EIF3E: variants seen among roughly 807,000 people sequenced by gnomAD.
EIF3E encodes the protein eukaryotic translation initiation factor 3 subunit E, also known as eIF-3 p48.
EIF3E carries 25 observed loss-of-function variants against 59.3 expected under a neutral mutation model. The observed-to-expected ratio is 0.42, with a 90% CI of 0.31 to 0.59. The LOEUF is 0.59. Ranked by LOEUF, EIF3E falls within the 20% of genes least tolerant of loss-of-function variation. The probability of loss-of-function intolerance (pLI) is 0.15; values close to 1 mark genes in which losing one functional copy is unlikely to be tolerated. For synonymous variants in EIF3E, 176 were observed against 170.2 expected, an observed-to-expected ratio of 1.03 and a Z score of -0.26; for missense variants, 317 against 534.3, an observed-to-expected ratio of 0.59 and a Z score of 4.01.
intron 7 of EIF3E, among the ~76,000 whole-genome samples, chr8:108,225,368 T>C (rs957272713): frequency 1.3e-5 from 2 of 151,534 alleles, no homozygotes; most frequent in African/African-American, 4.9e-5. Flanking sequence ...TTCATGAATG[T>C]GGTTTTTCTG....
intron 7 of EIF3E, among the ~76,000 whole-genome samples, chr8:108,223,744 T>A (rs940706891): frequency 6.6e-6 from 1 of 151,770 alleles, no homozygotes; most frequent in South Asian, 2.1e-4. Context: ...TTATATATTA[T>A]GTTACATTTA....
chr8:108,221,453 T>C (rs922564524), intron 7 of EIF3E: 1 of 152,188 alleles, frequency 6.6e-6, no homozygotes, highest in Non-Finnish European at 1.5e-5. Flanking sequence ...TAAGTGATTA[T>C]AGTCCGGTAA....
At chr8:108,205,890 T>C (rs1252112256) in intron 10 of EIF3E, among the ~76,000 whole-genome samples, 1 of 152,222 alleles carries the variant, frequency 6.6e-6, no homozygotes, top group Non-Finnish European at 1.5e-5. Flanking sequence ...GCTCAACTTA[T>C]AAATTAAACT....
chr8:108,244,659 T>C (rs1396954824), intron 1 of EIF3E, among the ~76,000 whole-genome samples: 1 of 152,082 alleles, frequency 6.6e-6, no homozygotes, highest in Non-Finnish European at 1.5e-5. Context: ...CTTTCTAATT[T>C]TTGTAATACC....
chr8:108,226,544 T>C (rs975704089), intron 7 of EIF3E, among the ~76,000 whole-genome samples: 3 of 152,180 alleles, frequency 2.0e-5, no homozygotes, highest in African/African-American at 7.2e-5. Flanking sequence ...GACCAAAATG[T>C]TTAAGAAGCA....
chr8:108,210,470 T>TA (rs1191756465), intron 10 of EIF3E, among the ~76,000 whole-genome samples: 1 of 152,222 alleles, frequency 6.6e-6, no homozygotes, highest in African/African-American at 2.4e-5. Flanking sequence ...TTTTCCCGTG[T>TA]AATGTTTAAA....
At chr8:108,221,524 T>C (rs955382382) in intron 7 of EIF3E, 3 of 152,200 alleles carry the variant, frequency 2.0e-5, no homozygotes, top group Non-Finnish European at 2.9e-5. Context: ...TTGTAATTCC[T>C]ACAATAAAAA....
intron 4 of EIF3E, 55 bp from the exon 5 acceptor site, chr8:108,235,157 A>G: frequency 9.0e-7 from 1 of 1,112,888 alleles, no homozygotes; most frequent in South Asian, 1.9e-5. Context: ...TTAAAACCCC[A>G]TTGTAATTCA....
chr8:108,211,672 T>C (rs542098584), intron 10 of EIF3E, among the ~76,000 whole-genome samples: 2 of 152,336 alleles, frequency 1.3e-5, no homozygotes, highest in South Asian at 4.1e-4. Flanking sequence ...TTTCACTCCA[T>C]TACTTTAGCA....
rs1036969736 is a variant in EIF3E at position 108,224,147 on chromosome 8, G to A, written c.722+4120C>T. On this transcript the variant is annotated intron_variant, in intron 7 of 12. Coordinates refer to ENST00000220849, the MANE Select transcript of EIF3E (RefSeq NM_001568.3). ...TGAGGCAGGAGAATGGCGTGAACTCGGGAGGCAGAGCTTGAAGTGAGCCGA... is the reference window on the plus strand; with the variant it reads ...TGAGGCAGGAGAATGGCGTGAACTCAGGAGGCAGAGCTTGAAGTGAGCCGA... 2.0e-5 allele frequency among the ~76,000 whole-genome samples: 3 copies of A among 151,152 alleles called. 1 individual carries two copies. The highest frequency in any genetic ancestry group is 7.4e-5 in the African/African-American group (3 of 40,562).
At position 108,201,804 on chromosome 8, in the gene EIF3E, T is replaced by C. The variant is rs1357547666; in HGVS notation, c.*81A>G. On this transcript the variant is annotated 3_prime_UTR_variant, in exon 13 of 13. Coordinates refer to ENST00000220849, the MANE Select transcript of EIF3E (RefSeq NM_001568.3). Reference sequence around the variant, plus strand: ...TATACGTAATATGTTGTTTCCAAAATGTAAGTCACCCTTTATATAATAGTT... The same window carrying C: ...TATACGTAATATGTTGTTTCCAAAACGTAAGTCACCCTTTATATAATAGTT... 1 of 1,173,468 alleles carries C rather than the reference T, an allele frequency of 8.5e-7. No individual in the cohort carries two copies. Among genetic ancestry groups the C allele is most frequent in the Admixed American group, 3.6e-5 (1 of 27,648 alleles). 72.7% of individuals were successfully genotyped at this position (1,173,468 alleles called of 1,614,324 possible).
At chr8:108,227,589 A>T (rs1211115901) in intron 7 of EIF3E, 3 of 152,238 alleles carry the variant, frequency 2.0e-5, no homozygotes, top group Non-Finnish European at 4.4e-5. Context: ...AAAGGGTCTG[A>T]AAAACTGTGT....
chr8:108,210,220 T>C (rs1815181148), intron 10 of EIF3E, among the ~76,000 whole-genome samples: 1 of 152,164 alleles, frequency 6.6e-6, no homozygotes, highest in Non-Finnish European at 1.5e-5. Context: ...TAATGTGTTG[T>C]CAGTACTATA....
chr8:108,209,780 G>C (rs1006446001), intron 10 of EIF3E, among the ~76,000 whole-genome samples: 2 of 152,180 alleles, frequency 1.3e-5, no homozygotes, highest in African/African-American at 4.8e-5. Context: ...AAAAATATAG[G>C]AATGGAGAAC....
chr8:108,216,278 G>A (rs1418005491), intron 9 of EIF3E, 134 bp downstream of exon 9: 3 of 647,716 alleles, frequency 4.6e-6, no homozygotes, highest in Non-Finnish European at 7.7e-6. Flanking sequence ...GAGCCATTTA[G>A]GCCTTTTTAA....
At chr8:108,226,007 T>C (rs987031843) in intron 7 of EIF3E, among the ~76,000 whole-genome samples, 1 of 152,222 alleles carries the variant, frequency 6.6e-6, no homozygotes, top group African/African-American at 2.4e-5. Flanking sequence ...GGTACCTTCT[T>C]GGAAACTACG....
At chr8:108,212,445 T>A (rs370846754) in intron 10 of EIF3E, among the ~76,000 whole-genome samples, 1 of 152,346 alleles carries the variant, frequency 6.6e-6, no homozygotes, top group South Asian at 2.1e-4. Flanking sequence ...ACCTGAAAAG[T>A]AACTGTGTTG....
chr8:108,248,554 G>C (rs1003659491), intron 1 of EIF3E, 59 bp downstream of exon 1: 5 of 1,568,134 alleles, frequency 3.2e-6, no homozygotes, highest in Admixed American at 1.7e-5. Flanking sequence ...ACCACCTTTC[G>C]GCCTTGCTCA....
Position 108,240,425 on chromosome 8 carries a change from T to C in EIF3E, c.206-350A>G, listed in dbSNP as rs115773976. Among the ~76,000 whole-genome samples the C allele has an allele frequency of 4.1e-3, 623 of 152,324 alleles. 4 individuals are homozygous for C. The highest frequency in any genetic ancestry group is 0.014 in the African/African-American group (593 of 41,558). On this transcript the variant is annotated intron_variant, in intron 2 of 12. Transcript: ENST00000220849. Reference sequence around the variant, plus strand: ...TGCAGAAACTTCTTTCCAAGTGTTTTTATATTTGTTCTCATTTAATTTTCT... The same window carrying C: ...TGCAGAAACTTCTTTCCAAGTGTTTCTATATTTGTTCTCATTTAATTTTCT...
Sources: allele counts gnomAD v4.1 joint callset (sites outside exome capture counted in the v4.1 genomes callset), GRCh38; gene constraint gnomAD v4.1.1; transcripts MANE v1.5; gene names NCBI Gene and HGNC (gene_info 2026-07-23, HGNC 2026-07-21).